PRKD1: variants seen among roughly 807,000 people sequenced by gnomAD.
PRKD1 encodes serine/threonine-protein kinase D1.
PRKD1 carries 63 observed loss-of-function variants against 95.9 expected under a neutral mutation model. That is an observed-to-expected ratio of 0.66 (90% CI 0.54 to 0.81). The LOEUF (loss-of-function observed/expected upper bound fraction) is 0.81. Among genes scored for constraint, PRKD1 ranks in the 30% least tolerant of loss-of-function variants. PRKD1 has a pLI of 0.00. For synonymous variants in PRKD1, 425 were observed against 423.1 expected (o/e 1.00, Z -0.05); for missense variants, 1,048 against 1,165.3 (o/e 0.90, Z 1.47).
chr14:29,653,462 A>T (rs35039832), intron 4 of PRKD1, among the ~76,000 whole-genome samples: 28,983 of 151,840 alleles, frequency 0.19, 3,102 homozygotes, highest in East Asian at 0.49. Context: ...TTAATTTTTT[A>T]AAAAAAATCC....
At chr14:29,762,501 C>T (rs1045294198) in intron 1 of PRKD1, among the ~76,000 whole-genome samples, 6 of 152,178 alleles carry the variant, frequency 3.9e-5, no homozygotes, top group African/African-American at 1.4e-4. Context: ...TTACAAGATT[C>T]TTATATGTCT....
chr14:29,588,627 A>G (rs1893015944), intron 16 of PRKD1, among the ~76,000 whole-genome samples: 1 of 152,170 alleles, frequency 6.6e-6, no homozygotes, highest in Admixed American at 6.5e-5. Context: ...CACAAATACG[A>G]CCATGGAGGT....
intron 16 of PRKD1, among the ~76,000 whole-genome samples, chr14:29,580,986 A>G (rs955462896): frequency 1.3e-5 from 2 of 152,040 alleles, no homozygotes; most frequent in African/African-American, 4.8e-5. Context: ...AGATGACATC[A>G]TGACACAATA....
chr14:29,644,257 C>T (rs761453024), intron 4 of PRKD1, among the ~76,000 whole-genome samples: 1 of 152,130 alleles, frequency 6.6e-6, no homozygotes, highest in African/African-American at 2.4e-5. Flanking sequence ...AATATTTTCC[C>T]CTGCAAATGC....
intron 1 of PRKD1, among the ~76,000 whole-genome samples, chr14:29,746,237 TTTAG>T (rs1887212597): frequency 6.6e-6 from 1 of 152,096 alleles, no homozygotes; most frequent in South Asian, 2.1e-4. Flanking sequence ...TCTAGAAAAC[TTTAG>T]TTAAGCAGGG....
At chr14:29,685,492 T>C (rs566492083) in intron 2 of PRKD1, among the ~76,000 whole-genome samples, 2 of 152,304 alleles carry the variant, frequency 1.3e-5, no homozygotes, top group South Asian at 4.1e-4. Context: ...CAAAACTCTT[T>C]TAGGATAAGA....
intron 4 of PRKD1, chr14:29,650,437 C>A (rs991542876): frequency 2.1e-4 from 32 of 152,434 alleles, no homozygotes; most frequent in African/African-American, 6.7e-4. Flanking sequence ...CCATTGGCAC[C>A]AAGTTTCCCA....
rs117031617 is a variant in PRKD1 at position 29,739,376 on chromosome 14, T to C, written c.265-13702A>G. On this transcript the variant is annotated intron_variant, in intron 1 of 17. Transcript: ENST00000331968. The stretch of plus-strand genomic sequence containing the variant: ...TTCTGCTTAGACCTCTCTTTTTTTT[T>C]AGCCACTCTCCTTTCTATTGAGTTC... Among the ~76,000 whole-genome samples the C allele has an allele frequency of 1.9e-4, 29 of 152,322 alleles. No individual in the cohort carries two copies. In the East Asian group the frequency reaches 5.2e-3, roughly 27 times the overall value.
chr14:29,695,632 G>A (rs1884474015), intron 2 of PRKD1, among the ~76,000 whole-genome samples: 1 of 152,196 alleles, frequency 6.6e-6, no homozygotes, highest in African/African-American at 2.4e-5. Flanking sequence ...TGAGCAGTTT[G>A]GTTTTGGGTA....
intron 13 of PRKD1, among the ~76,000 whole-genome samples, chr14:29,619,008 C>A (rs1318795911): frequency 6.6e-5 from 10 of 152,134 alleles, no homozygotes; most frequent in Non-Finnish European, 2.9e-5. Flanking sequence ...ACTTGTTAGG[C>A]CCTACTAGGG....
chr14:29,861,972 T>C (rs907472725), intron 1 of PRKD1, among the ~76,000 whole-genome samples: 2 of 152,094 alleles, frequency 1.3e-5, no homozygotes, highest in African/African-American at 2.4e-5. Context: ...GTTTTATTCA[T>C]TCATTCTAAC....
intron 2 of PRKD1, among the ~76,000 whole-genome samples, chr14:29,720,503 C>T (rs1046327703): frequency 4.6e-5 from 7 of 151,824 alleles, no homozygotes; most frequent in Admixed American, 2.0e-4. Context: ...AAGCCCAAGC[C>T]GAGCACGGTG....
At chr14:29,883,614 C>T (rs1299460204) in intron 1 of PRKD1, among the ~76,000 whole-genome samples, 1 of 152,102 alleles carries the variant, frequency 6.6e-6, no homozygotes, top group African/African-American at 2.4e-5. Context: ...TTAGAAGGAA[C>T]TTACTTTGGG....
intron 1 of PRKD1, among the ~76,000 whole-genome samples, chr14:29,743,450 ACAGAGAACCAAG>A (rs1887071781): frequency 6.6e-6 from 1 of 152,192 alleles, no homozygotes; most frequent in Non-Finnish European, 1.5e-5. Flanking sequence ...TAGTTTGAAC[ACAGAGAACCAAG>A]CAGAGAACCA....
chr14:29,756,491 T>C (rs1242861709), intron 1 of PRKD1, among the ~76,000 whole-genome samples: 1 of 152,208 alleles, frequency 6.6e-6, no homozygotes, highest in African/African-American at 2.4e-5. Context: ...CTTTTAAGAA[T>C]AAATGCTATG....
intron 1 of PRKD1, among the ~76,000 whole-genome samples, chr14:29,885,413 G>A (rs1018559104): frequency 6.6e-6 from 1 of 152,018 alleles, no homozygotes; most frequent in African/African-American, 2.4e-5. Context: ...TACTTATCCA[G>A]AAAATACCTA....
At chr14:29,609,629 C>T (rs2139043611) in intron 13 of PRKD1, among the ~76,000 whole-genome samples, 1 of 151,912 alleles carries the variant, frequency 6.6e-6, no homozygotes, top group Admixed American at 6.6e-5. Context: ...CAACCTCCAC[C>T]TCCCAGGCTC....
chr14:29,695,687 G>C (rs189918196), intron 2 of PRKD1, among the ~76,000 whole-genome samples: 66 of 152,316 alleles, frequency 4.3e-4, no homozygotes, highest in Non-Finnish European at 7.2e-4. Context: ...TGGAGATGTT[G>C]AGTTAGAGGA....
At chr14:29,578,543 TAAAAAAA>T (rs992449669) in intron 16 of PRKD1, among the ~76,000 whole-genome samples, 183 bp from the exon 17 acceptor site, 8 of 42,682 alleles carry the variant, frequency 1.9e-4, no homozygotes, top group Non-Finnish European at 3.9e-4. Context: ...TTTTGGATAC[TAAAAAAA>T]AAAAAAAAAA....
Sources: allele counts gnomAD v4.1 joint callset (sites outside exome capture counted in the v4.1 genomes callset), GRCh38; gene constraint gnomAD v4.1.1; transcripts MANE v1.5; gene names NCBI Gene and HGNC (gene_info 2026-07-23, HGNC 2026-07-21).